Variants in PAK2 observed in about 807,000 individuals in gnomAD.
PAK2 encodes the protein p21 (RAC1) activated kinase 2, also known as serine/threonine-protein kinase PAK 2.
In PAK2, 21 loss-of-function variants were observed where a neutral mutation model predicts 65.9. The observed-to-expected ratio is 0.32, with a 90% CI of 0.23 to 0.46. The LOEUF (loss-of-function observed/expected upper bound fraction) is 0.46. PAK2 is among the 20% of genes least tolerant of loss of function. The probability of loss-of-function intolerance (pLI) is 1.00; values close to 1 mark genes in which losing one functional copy is unlikely to be tolerated. For missense variants in PAK2, 324 were observed against 642.6 expected (o/e 0.50, Z 5.36); for synonymous variants, 204 against 219.7 (o/e 0.93, Z 0.63).
Position 196,820,579 on chromosome 3 carries a change from T to A in PAK2, c.1350+12T>A. 1 of 1,417,088 alleles carries A rather than the reference T, an allele frequency of 7.1e-7. No homozygotes were observed. Among genetic ancestry groups the A allele is most frequent in the South Asian group, 1.3e-5 (1 of 79,076 alleles). The allele number at this position is 1,417,088 out of a possible 1,614,324, so 87.8% of individuals were successfully genotyped here. ...AAAATCCCTTGAGGGTAAGATGAGTTAAACACCAGCCTTGTTCAATGTTTT... is the reference window on the plus strand; with the variant it reads ...AAAATCCCTTGAGGGTAAGATGAGTAAAACACCAGCCTTGTTCAATGTTTT... On this transcript the variant is annotated intron_variant, in intron 13 of 14. Transcript: ENST00000327134. The surrounding 1 kb of genome is among the most constrained non-coding windows in gnomAD (Gnocchi z 4.6).
chr3:196,759,498 G>GTTTTTTTTTTTTT lies in PAK2; in HGVS notation c.-22+19368_-22+19380dup, dbSNP rs71301221. ...GGTATACAGTTAAGTGGTTTTTTTT[G>GTTTTTTTTTTTTT]TTTTTTTTTTTTTTTTTTTTTTTTT... On this transcript the variant is annotated intron_variant, in intron 1 of 14. Coordinates refer to ENST00000327134, the MANE Select transcript of PAK2 (RefSeq NM_002577.4). Among the ~76,000 whole-genome samples the GTTTTTTTTTTTTT allele has an allele frequency of 1.7e-3, 180 of 108,128 alleles. 16 individuals are homozygous for GTTTTTTTTTTTTT. The highest frequency in any genetic ancestry group is 6.7e-3 in the Middle Eastern group (1 of 150). 70.9% of individuals were successfully genotyped at this position (108,128 alleles called of 152,430 possible).
At chr3:196,769,480 C>T (rs1331975276) in intron 1 of PAK2, among the ~76,000 whole-genome samples, 1 of 151,848 alleles carries the variant, frequency 6.6e-6, no homozygotes, top group African/African-American at 2.4e-5. Context: ...CCATCACCAC[C>T]ATCCTTTTCC....
At chr3:196,746,848 A>T (rs547170301) in intron 1 of PAK2, among the ~76,000 whole-genome samples, 1 of 150,466 alleles carries the variant, frequency 6.6e-6, no homozygotes, top group African/African-American at 2.4e-5. Context: ...CCTTTATGAT[A>T]ACTTCTGTAG....
intron 1 of PAK2, among the ~76,000 whole-genome samples, chr3:196,757,113 G>C (rs1000388765): frequency 6.6e-6 from 1 of 152,146 alleles, no homozygotes; most frequent in Non-Finnish European, 1.5e-5. Context: ...AGACCAGGGG[G>C]TATGAGCCAG....
intron 1 of PAK2, among the ~76,000 whole-genome samples, chr3:196,746,430 A>G (rs1021048481): frequency 1.3e-5 from 2 of 152,222 alleles, no homozygotes; most frequent in Non-Finnish European, 2.9e-5. Context: ...CACAAGGTAT[A>G]TATCGTGAAT....
Position 196,820,579 on chromosome 3 carries a change from T to TA in PAK2, c.1350+15dup, listed in dbSNP as rs756959444. 22 of 1,417,092 alleles carry TA rather than the reference T, an allele frequency of 1.6e-5. No individual in the cohort carries two copies. The highest frequency in any genetic ancestry group is 2.1e-5 in the Non-Finnish European group (22 of 1,025,532). 87.8% of individuals were successfully genotyped at this position (1,417,092 alleles called of 1,614,324 possible). On this transcript the variant is annotated intron_variant, in intron 13 of 14. Transcript: ENST00000327134. The surrounding 1 kb of genome is among the most constrained non-coding windows in gnomAD (Gnocchi z 4.6). ...AAAATCCCTTGAGGGTAAGATGAGT[T>TA]AAACACCAGCCTTGTTCAATGTTTT... is the stretch of plus-strand genomic sequence containing the variant.
At chr3:196,788,107 T>TA (rs750908243) in intron 2 of PAK2, among the ~76,000 whole-genome samples, 6 of 152,262 alleles carry the variant, frequency 3.9e-5, no homozygotes, top group Non-Finnish European at 7.3e-5. Flanking sequence ...AGTCTTATGC[T>TA]AATTGCTTTT....
chr3:196,828,341 A>C lies in PAK2; in HGVS notation c.1511A>C (p.Lys504Thr), dbSNP rs1420132373. The C allele has an allele frequency of 6.2e-7, 1 of 1,610,516 alleles. No individual in the cohort carries two copies. ...CAGCATCCTTTCCTGAAACTGGCCA[A>C]ACCGTTATCTAGCTTGACACCACTG... is the stretch of plus-strand genomic sequence containing the variant. Reference protein sequence around the residue: ...LLQHPFLKLAKPLSSLTPLIM... With the variant: ...LLQHPFLKLATPLSSLTPLIM... The change falls in exon 15 of 15, where the codon AAA becomes ACA. Residue 504 changes from lysine (K) to threonine (T), a missense_variant. By Grantham distance (78) the Lys-to-Thr change is moderately conservative (BLOSUM62 -1). Around this residue, in one of 5 missense-constraint regions of PAK2, gnomAD observed 43 missense variants for 67.6 expected, o/e 0.64. Coordinates refer to ENST00000327134, the MANE Select transcript of PAK2 (RefSeq NM_002577.4).
chr3:196,742,790 G>A (rs867206248), intron 1 of PAK2, among the ~76,000 whole-genome samples: 3 of 152,148 alleles, frequency 2.0e-5, no homozygotes, highest in Admixed American at 1.3e-4. Flanking sequence ...GGTGGCAGGC[G>A]CCTGTAGTCC....
At chr3:196,812,587 G>C in intron 9 of PAK2, 152 bp from the exon 10 acceptor site, 1 of 597,958 alleles carries the variant, frequency 1.7e-6, no homozygotes, top group Non-Finnish European at 3.0e-6. Context: ...ACAAAGCATT[G>C]TGCACAGGCA....
intron 13 of PAK2, among the ~76,000 whole-genome samples, chr3:196,821,255 A>G (rs1464074350): frequency 6.6e-6 from 1 of 152,064 alleles, no homozygotes; most frequent in Non-Finnish European, 1.5e-5. Flanking sequence ...TGAACCCAGG[A>G]GGTGGCAGTT....
At chr3:196,804,810 T>C (rs1035859861) in intron 4 of PAK2, among the ~76,000 whole-genome samples, 1 of 50,346 alleles carries the variant, frequency 2.0e-5, no homozygotes, top group Admixed American at 2.9e-4. Context: ...GTGTGTGATA[T>C]ATATATATAT....
At chr3:196,780,724 C>CT (rs1406953388) in intron 1 of PAK2, among the ~76,000 whole-genome samples, 1 of 152,194 alleles carries the variant, frequency 6.6e-6, no homozygotes, top group Non-Finnish European at 1.5e-5. Flanking sequence ...GTGCTAGTGA[C>CT]ACACTCCCAT....
Position 196,791,155 on chromosome 3 carries a change from A to G in PAK2, c.187+8322A>G, listed in dbSNP as rs12497912. Among the ~76,000 whole-genome samples the G allele has an allele frequency of 0.3, 45,821 of 152,098 alleles. 7,708 individuals carry two copies. Among genetic ancestry groups the G allele is most frequent in the African/African-American group, 0.43 (17,903 of 41,494 alleles). Reference sequence around the variant, plus strand: ...GCTTCTAGAGTCGTTATATAAGAGTATTAAAGACATTCTGTTGGTATAGCA... The same window carrying G: ...GCTTCTAGAGTCGTTATATAAGAGTGTTAAAGACATTCTGTTGGTATAGCA... On this transcript the variant is annotated intron_variant, in intron 2 of 14. Coordinates refer to ENST00000327134, the MANE Select transcript of PAK2 (RefSeq NM_002577.4). The surrounding 1 kb of genome is among the most constrained non-coding windows in gnomAD (Gnocchi z 4.0).
At position 196,787,504 on chromosome 3, in the gene PAK2, G is replaced by A. The variant is rs113067994; in HGVS notation, c.187+4671G>A. 9.7e-3 allele frequency among the ~76,000 whole-genome samples: 1,468 copies of A among 151,876 alleles called. 22 individuals are homozygous for A. The highest frequency in any genetic ancestry group is 0.017 in the South Asian group (80 of 4,810). Reference sequence around the variant, plus strand: ...TGAGGCAGGAGAATGGTGTGGACCCGGGAGGCAGAGCTTGCAGTGAGCCTT... The same window carrying A: ...TGAGGCAGGAGAATGGTGTGGACCCAGGAGGCAGAGCTTGCAGTGAGCCTT... On this transcript the variant is annotated intron_variant, in intron 2 of 14. Transcript: ENST00000327134.
At chr3:196,792,120 A>ACCAT (rs1715092932) in intron 2 of PAK2, among the ~76,000 whole-genome samples, 1 of 152,080 alleles carries the variant, frequency 6.6e-6, no homozygotes. Context: ...GTCATCTGTG[A>ACCAT]CCATAGTCGT....
chr3:196,816,219 C>A (rs1164319196), intron 11 of PAK2, among the ~76,000 whole-genome samples: 1 of 152,106 alleles, frequency 6.6e-6, no homozygotes, highest in Non-Finnish European at 1.5e-5. Flanking sequence ...AAACTTTGTT[C>A]ATGTAAGGAT....
Position 196,820,299 on chromosome 3 carries a change from A to G in PAK2, c.1154-72A>G, listed in dbSNP as rs751001859. On this transcript the variant is annotated intron_variant, in intron 12 of 14. Coordinates refer to ENST00000327134, the MANE Select transcript of PAK2 (RefSeq NM_002577.4). This position sits in a 1 kb window ranked among gnomAD's most constrained non-coding sequence, Gnocchi z 4.6. ...TAATAGTCAAAATATAATTAATTAC[A>G]TAATCTGAAGTGAACTCTTCTGCTA... 7.0e-5 allele frequency: 54 copies of G among 769,844 alleles called. No individual in the cohort carries two copies. The highest frequency in any genetic ancestry group is 5.0e-4 in the Admixed American group (17 of 34,008). 47.7% of individuals were successfully genotyped at this position (769,844 alleles called of 1,614,324 possible). A position where few individuals can be genotyped will look rare whatever the true frequency, so the allele number is the denominator to read the frequency against.
rs911272863 is a variant in PAK2 at position 196,831,975 on chromosome 3, A to G, written c.*3570A>G. The G allele has an allele frequency of 1.3e-5, 2 of 152,210 alleles. No individual in the cohort carries two copies. Among genetic ancestry groups the G allele is most frequent in the African/African-American group, 4.8e-5 (2 of 41,460 alleles). The allele number at this position is 152,210 out of a possible 1,614,324, so 9.4% of individuals were successfully genotyped here. On this transcript the variant is annotated 3_prime_UTR_variant, in exon 15 of 15. Coordinates refer to ENST00000327134, the MANE Select transcript of PAK2 (RefSeq NM_002577.4). ...ATCAGTTTTTTGATAGTGTGTGTAT[A>G]TAAGAAAAAATAGATACACACATTC...
Sources: allele counts gnomAD v4.1 joint callset (sites outside exome capture counted in the v4.1 genomes callset), GRCh38; gene constraint gnomAD v4.1.1; regional missense constraint gnomAD v4.1.1; non-coding constraint Gnocchi (gnomAD v3.1); transcripts MANE v1.5; gene names NCBI Gene and HGNC (gene_info 2026-07-23, HGNC 2026-07-21).